Variants in GLB1 observed in about 807,000 individuals in gnomAD.
The protein encoded by GLB1 is beta-galactosidase.
GLB1 carries 56 observed loss-of-function variants against 74.0 expected under a neutral mutation model. The observed-to-expected ratio is 0.76, with a 90% CI of 0.61 to 0.94. The LOEUF (loss-of-function observed/expected upper bound fraction) is 0.94, where lower values mean the gene tolerates loss of function less well. GLB1 is among the 40% of genes least tolerant of loss of function. The pLI is 0.00. For missense variants in GLB1, 787 were observed against 845.5 expected (o/e 0.93, Z 0.86); for synonymous variants, 323 against 323.6 (o/e 1.00, Z 0.02).
In GLB1 at chr3:32,996,865, C is replaced by A. The variant is rs1575392218; in HGVS notation, c.*180G>T. 7 of 1,098,720 alleles carry A rather than the reference C, an allele frequency of 6.4e-6. No homozygotes were observed. Among genetic ancestry groups the A allele is most frequent in the Non-Finnish European group, 9.1e-6 (7 of 765,996 alleles). 68.1% of individuals were successfully genotyped at this position (1,098,720 alleles called of 1,614,324 possible). A position where few individuals can be genotyped will look rare whatever the true frequency, so the allele number is the denominator to read the frequency against. ...CTGTGCTGTCAGCCCCTCACACATTCCAGGTGGTCCCTGAAGGTGGGGCTT... is the reference window on the plus strand; with the variant it reads ...CTGTGCTGTCAGCCCCTCACACATTACAGGTGGTCCCTGAAGGTGGGGCTT... On this transcript the variant is annotated 3_prime_UTR_variant, in exon 16 of 16. Coordinates refer to ENST00000307363, the MANE Select transcript of GLB1 (RefSeq NM_000404.4).
chr3:33,042,216 T>G (rs1302467862), intron 10 of GLB1, among the ~76,000 whole-genome samples: 1 of 152,066 alleles, frequency 6.6e-6, no homozygotes, highest in Non-Finnish European at 1.5e-5. Context: ...ACACAGCAGC[T>G]GGAATCTGCT....
intron 10 of GLB1, chr3:33,033,924 TGGA>T (rs1698163416): frequency 3.7e-6 from 2 of 545,862 alleles, no homozygotes; most frequent in African/African-American, 3.8e-5. Flanking sequence ...GATGCCCAGA[TGGA>T]CTACTATGGC....
intron 1 of GLB1, among the ~76,000 whole-genome samples, chr3:33,085,909 C>CAAA (rs56129722): frequency 8.5e-6 from 1 of 117,622 alleles, no homozygotes; most frequent in Admixed American, 8.6e-5. Flanking sequence ...CTGTCTCTAC[C>CAAA]AAAAAAAAAA....
intron 12 of GLB1, among the ~76,000 whole-genome samples, chr3:33,019,647 C>T (rs1014412188): frequency 3.3e-5 from 5 of 152,144 alleles, no homozygotes; most frequent in African/African-American, 1.2e-4. Flanking sequence ...CGCAAGAACA[C>T]CTCCCGCCCA....
At position 32,996,907 on chromosome 3, in the gene GLB1, C is replaced by G; in HGVS notation, c.*138G>C. ...GTGGGGCTTTGGCACTGCAGGGATG[C>G]AGGGAAACCTCAGGTGAAAATGCAC... On this transcript the variant is annotated 3_prime_UTR_variant, in exon 16 of 16. Transcript: ENST00000307363. 1 of 1,528,714 alleles carries G rather than the reference C, an allele frequency of 6.5e-7. No individual in the cohort carries two copies. Among genetic ancestry groups the G allele is most frequent in the Non-Finnish European group, 8.9e-7 (1 of 1,124,882 alleles). The allele number at this position is 1,528,714 out of a possible 1,614,324, so 94.7% of individuals were successfully genotyped here. A position where few individuals can be genotyped will look rare whatever the true frequency, so the allele number is the denominator to read the frequency against.
chr3:33,015,611 A>G (rs6777787), intron 14 of GLB1, among the ~76,000 whole-genome samples: 54,069 of 152,072 alleles, frequency 0.36, 10,502 homozygotes, highest in East Asian at 0.79. Context: ...CAGGTACTGG[A>G]GACCCAGAGA....
intron 15 of GLB1, among the ~76,000 whole-genome samples, chr3:33,007,413 T>C (rs897893031): frequency 2.0e-5 from 3 of 152,250 alleles, no homozygotes; most frequent in African/African-American, 4.8e-5. Context: ...GATCTTCCTG[T>C]CTATATGAAT....
chr3:33,013,906 T>G lies in GLB1; in HGVS notation c.1734+150A>C. On this transcript the variant is annotated intron_variant, in intron 15 of 15. Coordinates refer to ENST00000307363, the MANE Select transcript of GLB1 (RefSeq NM_000404.4). ...GCTGGCCACTGAATCCCTGAAGATC[T>G]GCCACAATCCGCCTCCTGAAGAATG... 5 of 1,444,838 alleles carry G rather than the reference T, an allele frequency of 3.5e-6. No individual in the cohort carries two copies. The South Asian group carries it at 6.7e-5, about 19-fold the overall frequency. 89.5% of individuals were successfully genotyped at this position (1,444,838 alleles called of 1,614,324 possible).
intron 12 of GLB1, 126 bp downstream of exon 12, chr3:33,021,440 T>A: frequency 1.0e-6 from 1 of 1,004,760 alleles, no homozygotes; most frequent in Non-Finnish European, 1.5e-6. Flanking sequence ...ATGGTTCATT[T>A]ACCTGGGATC....
the GLB1 span, among the ~76,000 whole-genome samples, chr3:32,985,057 T>C: frequency 6.7e-6 from 1 of 149,260 alleles, no homozygotes; most frequent in Non-Finnish European, 1.5e-5. Flanking sequence ...GTGAGCTGTG[T>C]TCATGCCACT....
intron 9 of GLB1, among the ~76,000 whole-genome samples, chr3:33,051,395 AAGACC>A: frequency 6.6e-6 from 1 of 151,436 alleles, no homozygotes; most frequent in South Asian, 2.1e-4. Flanking sequence ...TCAAGAGTTC[AAGACC>A]AGCCTGGCCA....
intron 11 of GLB1, among the ~76,000 whole-genome samples, chr3:33,022,201 T>C (rs1697517766): frequency 6.6e-6 from 1 of 152,174 alleles, no homozygotes; most frequent in African/African-American, 2.4e-5. Context: ...GTCAGCTCCT[T>C]AAGGATAAGA....
rs2125553864 is a variant in GLB1 at position 33,072,657 on chromosome 3, A to G, written c.132T>C (p.Asp44=). 2 of 1,614,168 alleles carry G rather than the reference A, an allele frequency of 1.2e-6. No homozygotes were observed. The highest frequency in any genetic ancestry group is 8.5e-7 in the Non-Finnish European group (1 of 1,180,032). ...CTGAGATGTAGCGAAATGGCTGGCC[A>G]TCCTTGAGGAAGGAGTCCCGGCTAT... ...IDYSRDSFLK[D]GQPFRYISGS... The change falls in exon 2 of 16, where the codon GAT becomes GAC. Residue 44 remains aspartate, a synonymous_variant. Coordinates refer to ENST00000307363, the MANE Select transcript of GLB1 (RefSeq NM_000404.4).
At chr3:33,052,496 G>A (rs115041325) in intron 7 of GLB1, among the ~76,000 whole-genome samples, 3,449 of 152,222 alleles carry the variant, frequency 0.023, 66 homozygotes, top group Non-Finnish European at 0.039. Context: ...GCTGGGCATC[G>A]TGGTGCGCCC....
At chr3:33,022,439 C>T (rs900429666) in intron 11 of GLB1, among the ~76,000 whole-genome samples, 1 of 151,972 alleles carries the variant, frequency 6.6e-6, no homozygotes, top group African/African-American at 2.4e-5. Context: ...CCCTGTGAGG[C>T]AGGTACTACT....
At chr3:33,005,486 C>T (rs1696748208) in intron 15 of GLB1, among the ~76,000 whole-genome samples, 1 of 152,180 alleles carries the variant, frequency 6.6e-6, no homozygotes, top group African/African-American at 2.4e-5. Context: ...ATACCTCTGT[C>T]TCTCCAAATG....
intron 5 of GLB1, among the ~76,000 whole-genome samples, chr3:33,064,934 A>G (rs1699610914): frequency 6.6e-6 from 1 of 152,212 alleles, no homozygotes; most frequent in South Asian, 2.1e-4. Context: ...CCAAGAACAC[A>G]TAGAAGAAGG....
chr3:33,027,771 G>A (rs534590871), intron 10 of GLB1, among the ~76,000 whole-genome samples: 6 of 152,046 alleles, frequency 3.9e-5, no homozygotes, highest in African/African-American at 1.4e-4. Context: ...GACAGAGTGA[G>A]ATTCTATCTC....
chr3:33,010,059 G>C (rs1408500605), intron 15 of GLB1, among the ~76,000 whole-genome samples: 1 of 152,132 alleles, frequency 6.6e-6, no homozygotes, highest in Non-Finnish European at 1.5e-5. Flanking sequence ...ATAAACACTT[G>C]CATGTAAGTT....
Sources: allele counts gnomAD v4.1 joint callset (sites outside exome capture counted in the v4.1 genomes callset), GRCh38; gene constraint gnomAD v4.1.1; transcripts MANE v1.5; gene names NCBI Gene and HGNC (gene_info 2026-07-23, HGNC 2026-07-21).